Variants in SDK1 observed in about 807,000 individuals in gnomAD.
SDK1 encodes protein sidekick-1.
Under a neutral mutation model 245.5 loss-of-function variants are expected in SDK1, and 157 were observed. The observed-to-expected ratio is 0.64, with a 90% CI of 0.56 to 0.73. The LOEUF (loss-of-function observed/expected upper bound fraction) is 0.73, where lower values mean the gene tolerates loss of function less well. Among genes scored for constraint, SDK1 ranks in the 30% least tolerant of loss-of-function variants. SDK1 has a pLI of 0.00. For missense variants in SDK1, 3,583 were observed against 3,002.3 expected (o/e 1.19, Z -4.52); for synonymous variants, 1,647 against 1,278.5 (o/e 1.29, Z -6.15).
chr7:3,766,424 T>A (rs78786185), intron 4 of SDK1, among the ~76,000 whole-genome samples: 3,808 of 152,270 alleles, frequency 0.025, 154 homozygotes, highest in African/African-American at 0.089. Flanking sequence ...CTACCTTGAT[T>A]TTTAATCCAG....
At chr7:3,580,822 G>A (rs1780455677) in intron 1 of SDK1, among the ~76,000 whole-genome samples, 1 of 151,484 alleles carries the variant, frequency 6.6e-6, no homozygotes, top group Non-Finnish European at 1.5e-5. Context: ...CAAAAAATAG[G>A]CTGGATGTGG....
Position 3,809,023 on chromosome 7 carries a change from T to C in SDK1, c.714-12427T>C, listed in dbSNP as rs1322650028. On this transcript the variant is annotated intron_variant, in intron 4 of 44. Coordinates refer to ENST00000404826, the MANE Select transcript of SDK1 (RefSeq NM_152744.4). ...TTATTAGGCTGTTCTTGCATTGTTA[T>C]AAGAGAATACCCAAGACGGGGTAAT... Among the ~76,000 whole-genome samples, 3 of 152,112 alleles carry C rather than the reference T, an allele frequency of 2.0e-5. No individual in the cohort carries two copies. The East Asian group carries it at 5.8e-4, about 29-fold the overall frequency.
At chr7:3,430,027 C>T (rs1391463500) in intron 1 of SDK1, among the ~76,000 whole-genome samples, 4 of 152,236 alleles carry the variant, frequency 2.6e-5, no homozygotes, top group Non-Finnish European at 5.9e-5. Context: ...TGACATATTA[C>T]ATTTCAAGTG....
At chr7:3,597,459 G>C (rs1487242815) in intron 1 of SDK1, among the ~76,000 whole-genome samples, 1 of 152,126 alleles carries the variant, frequency 6.6e-6, no homozygotes, top group Non-Finnish European at 1.5e-5. Context: ...GGTTTTGTAA[G>C]ATAGAAACAG....
chr7:3,664,816 C>G (rs1007123375), intron 4 of SDK1, among the ~76,000 whole-genome samples: 1 of 151,838 alleles, frequency 6.6e-6, no homozygotes, highest in Non-Finnish European at 1.5e-5. Context: ...TGCATGTGTT[C>G]TAATAACTTG....
intron 35 of SDK1, among the ~76,000 whole-genome samples, chr7:4,189,934 G>C (rs2128222253): frequency 6.6e-6 from 1 of 152,228 alleles, no homozygotes; most frequent in South Asian, 2.1e-4. Flanking sequence ...GTACAATATG[G>C]GTCCCACCTT....
At chr7:3,482,102 A>G (rs1781539975) in intron 1 of SDK1, among the ~76,000 whole-genome samples, 1 of 152,258 alleles carries the variant, frequency 6.6e-6, no homozygotes, top group Non-Finnish European at 1.5e-5. Context: ...CCTACCAGAC[A>G]TTGTAAAGCT....
chr7:3,868,903 G>A (rs1780887410), intron 5 of SDK1, among the ~76,000 whole-genome samples: 1 of 152,144 alleles, frequency 6.6e-6, no homozygotes, highest in Non-Finnish European at 1.5e-5. Context: ...CTGAATAAAT[G>A]ATGTGTACAG....
At chr7:3,944,563 G>A (rs1291708409) in intron 5 of SDK1, among the ~76,000 whole-genome samples, 1 of 152,130 alleles carries the variant, frequency 6.6e-6, no homozygotes, top group Non-Finnish European at 1.5e-5. Context: ...GCAAATAATA[G>A]AAATAAAGAG....
chr7:3,468,781 A>G (rs1410750568), intron 1 of SDK1, among the ~76,000 whole-genome samples: 1 of 152,138 alleles, frequency 6.6e-6, no homozygotes, highest in Non-Finnish European at 1.5e-5. Flanking sequence ...TAAGCATAAA[A>G]GTGGACAACT....
chr7:3,534,421 A>T (rs1778809303), intron 1 of SDK1, among the ~76,000 whole-genome samples: 1 of 152,196 alleles, frequency 6.6e-6, no homozygotes, highest in Non-Finnish European at 1.5e-5. Flanking sequence ...TTGCTGGATC[A>T]TATAGTAATT....
chr7:3,666,477 C>A (rs1012478096), intron 4 of SDK1, among the ~76,000 whole-genome samples: 1 of 152,210 alleles, frequency 6.6e-6, no homozygotes, highest in Non-Finnish European at 1.5e-5. Flanking sequence ...CTCCTGCCCT[C>A]ACCCTGCTGC....
At chr7:3,735,013 C>G (rs16870929) in intron 4 of SDK1, among the ~76,000 whole-genome samples, 5,780 of 152,146 alleles carry the variant, frequency 0.038, 360 homozygotes, top group African/African-American at 0.13. Flanking sequence ...CAGTTAAGAC[C>G]TCTGTAATTA....
At chr7:4,249,297 A>C (rs1186332539) in intron 44 of SDK1, among the ~76,000 whole-genome samples, 1 of 152,202 alleles carries the variant, frequency 6.6e-6, no homozygotes, top group Non-Finnish European at 1.5e-5. Flanking sequence ...CTCAGCATCT[A>C]ACTGGAAATC....
chr7:3,343,075 T>A (rs978520612), intron 1 of SDK1, among the ~76,000 whole-genome samples: 4 of 150,616 alleles, frequency 2.7e-5, no homozygotes, highest in African/African-American at 9.8e-5. Flanking sequence ...AGTGGGAATG[T>A]AAAATGGTAC....
At chr7:3,957,808 G>T (rs1477257585) in intron 7 of SDK1, among the ~76,000 whole-genome samples, 1 of 152,180 alleles carries the variant, frequency 6.6e-6, no homozygotes, top group Non-Finnish European at 1.5e-5. Context: ...ATTTCTTCAG[G>T]CTTGGTCTGT....
At chr7:3,888,636 A>T (rs1490527942) in intron 5 of SDK1, among the ~76,000 whole-genome samples, 1 of 152,228 alleles carries the variant, frequency 6.6e-6, no homozygotes, top group African/African-American at 2.4e-5. Context: ...TTGATAAATT[A>T]TACAAGAATA....
chr7:3,598,534 G>A (rs1781145240), intron 1 of SDK1, among the ~76,000 whole-genome samples: 2 of 152,292 alleles, frequency 1.3e-5, no homozygotes, highest in Admixed American at 1.3e-4. Flanking sequence ...CAGGACACCA[G>A]CATCAGGGCA....
chr7:3,930,047 A>C (rs1299993969), intron 5 of SDK1, among the ~76,000 whole-genome samples: 1 of 152,122 alleles, frequency 6.6e-6, no homozygotes, highest in African/African-American at 2.4e-5. Flanking sequence ...GACTCAGCCC[A>C]CCCAGCACAG....
Sources: allele counts gnomAD v4.1 joint callset (sites outside exome capture counted in the v4.1 genomes callset), GRCh38; gene constraint gnomAD v4.1.1; transcripts MANE v1.5; gene names NCBI Gene and HGNC (gene_info 2026-07-23, HGNC 2026-07-21).